The following ACOT9 variants were observed in gnomAD, a reference collection of about 807,000 sequenced individuals.
The protein encoded by ACOT9 is acyl-coenzyme A thioesterase 9, mitochondrial.
Under a neutral mutation model 39.7 loss-of-function variants are expected in ACOT9, and 34 were observed. The ratio of observed to expected loss-of-function variants is 0.86; its 90% confidence interval spans 0.65 to 1.14. The LOEUF (loss-of-function observed/expected upper bound fraction) is 1.14. Among genes scored for constraint, ACOT9 ranks in the 50% most tolerant of loss-of-function variants. ACOT9 has a pLI of 0.00. For synonymous variants in ACOT9, 110 were observed against 120.5 expected, an observed-to-expected ratio of 0.91 and a Z score of 0.57; for missense variants, 313 against 344.1, an observed-to-expected ratio of 0.91 and a Z score of 0.71.
In ACOT9 at chrX:23,713,270, C is replaced by T. The variant is rs970262414; in HGVS notation, c.589-62G>A. 7.3e-6 allele frequency: 7 copies of T among 955,888 alleles called. No homozygotes were observed. In the African/African-American group the frequency reaches 7.7e-5, roughly 11 times the overall value. 78.8% of individuals were successfully genotyped at this position (955,888 alleles called of 1,213,427 possible). On this transcript the variant is annotated intron_variant, in intron 8 of 15. Transcript: ENST00000379303. Reference sequence around the variant, plus strand: ...ATGGATTTATCGGGAAGACCTACCACGATTCTAACAGACGGTATGTATGCT... The same window carrying T: ...ATGGATTTATCGGGAAGACCTACCATGATTCTAACAGACGGTATGTATGCT...
chrX:23,716,575 A>C (rs774575766), intron 8 of ACOT9, among the ~76,000 whole-genome samples: 4 of 112,356 alleles, frequency 3.6e-5, no homozygotes, highest in Non-Finnish European at 7.5e-5. Flanking sequence ...CGATGCTTGA[A>C]GGCCAGTGGT....
chrX:23,725,332 G>A (rs1296159193), intron 6 of ACOT9, among the ~76,000 whole-genome samples: 3 of 107,826 alleles, frequency 2.8e-5, no homozygotes, highest in African/African-American at 1.0e-4. Flanking sequence ...TTAGCTGGGC[G>A]TTGTGGTAGA....
intron 1 of ACOT9, among the ~76,000 whole-genome samples, chrX:23,742,793 G>T (rs1296535775): frequency 8.9e-6 from 1 of 112,333 alleles, no homozygotes; most frequent in African/African-American, 3.2e-5. Flanking sequence ...TCTGACAAGG[G>T]GCTACCCCGA....
At chrX:23,739,240 CA>C (rs1232962335) in intron 1 of ACOT9, among the ~76,000 whole-genome samples, 12 of 105,084 alleles carry the variant, frequency 1.1e-4, no homozygotes, top group South Asian at 8.2e-4. Flanking sequence ...GACTCTGTCT[CA>C]AAAAAAAAAG....
At chrX:23,735,847 T>C in intron 2 of ACOT9, 72 bp downstream of exon 2, 1 of 952,991 alleles carries the variant, frequency 1.0e-6, no homozygotes, top group Non-Finnish European at 1.5e-6. Flanking sequence ...ACTATCACTC[T>C]ATATACCTTT....
At chrX:23,741,320 A>G (rs930388054) in intron 1 of ACOT9, among the ~76,000 whole-genome samples, 1 of 107,219 alleles carries the variant, frequency 9.3e-6, no homozygotes, top group Non-Finnish European at 1.9e-5. Context: ...TTCTGGACAT[A>G]TATCCCAAAG....
chrX:23,736,175 A>G (rs1929945959), intron 1 of ACOT9, among the ~76,000 whole-genome samples, 159 bp from the exon 2 acceptor site: 1 of 112,226 alleles, frequency 8.9e-6, no homozygotes, highest in Non-Finnish European at 1.9e-5. Flanking sequence ...TGTTTTCATG[A>G]GGCTATTCCA....
At position 23,704,931 on chromosome X, in the gene ACOT9, T is replaced by C. The variant is rs1928623977; in HGVS notation, c.1107+62A>G. 10 of 1,171,755 alleles carry C rather than the reference T, an allele frequency of 8.5e-6. No homozygotes were observed. The Admixed American group carries it at 1.2e-4, about 14-fold the overall frequency. ...AAGAGAAAACAGTGGCTTTTTGATA[T>C]AGAAACTTCTAGGCTCAAATGAAAA... On this transcript the variant is annotated intron_variant, in intron 14 of 15. Coordinates refer to ENST00000379303, the MANE Select transcript of ACOT9 (RefSeq NM_001037171.2).
At chrX:23,719,039 G>A (rs1929194428) in intron 8 of ACOT9, among the ~76,000 whole-genome samples, 2 of 111,285 alleles carry the variant, frequency 1.8e-5, no homozygotes, top group Non-Finnish European at 3.8e-5. Context: ...GGAGGCGAGG[G>A]CGGGTGGATG....
chrX:23,742,539 G>T (rs1197875947), intron 1 of ACOT9, among the ~76,000 whole-genome samples: 1 of 110,878 alleles, frequency 9.0e-6, no homozygotes, highest in Non-Finnish European at 1.9e-5. Context: ...TACCCACGTG[G>T]CCCAATCAAA....
chrX:23,737,891 C>CA (rs1386544050), intron 1 of ACOT9, among the ~76,000 whole-genome samples: 1 of 74,198 alleles, frequency 1.3e-5, no homozygotes, highest in Non-Finnish European at 2.5e-5. Flanking sequence ...TTTTTTTAGA[C>CA]AGAGTCTCGC....
chrX:23,742,205 T>A (rs868041756), intron 1 of ACOT9, among the ~76,000 whole-genome samples: 13 of 65,471 alleles, frequency 2.0e-4, no homozygotes, highest in African/African-American at 4.2e-4. Context: ...CCAGGAACAG[T>A]GAGTGAGTGA....
chrX:23,707,607 C>T (rs10283972), intron 10 of ACOT9: 36,258 of 163,183 alleles, frequency 0.22, 3,499 homozygotes, highest in South Asian at 0.31. Context: ...TGTGGTGGCG[C>T]GCACCTGTAG....
chrX:23,710,751 A>T (rs758335281), intron 9 of ACOT9, among the ~76,000 whole-genome samples: 8 of 110,763 alleles, frequency 7.2e-5, no homozygotes, highest in Middle Eastern at 4.2e-3. Flanking sequence ...AATCACTTGA[A>T]CCAGGAGGTG....
chrX:23,730,418 T>C (rs1929693837), intron 6 of ACOT9, 109 bp downstream of exon 6: 1 of 641,776 alleles, frequency 1.6e-6, no homozygotes, highest in Non-Finnish European at 2.5e-6. Context: ...TTGTGCACTT[T>C]AGAATATCAT....
In ACOT9 at chrX:23,705,607, A is replaced by C. The variant is rs1444537815; in HGVS notation, c.934-13T>G. The C allele has an allele frequency of 3.4e-6, 4 of 1,179,771 alleles. No individual in the cohort carries two copies. The highest frequency in any genetic ancestry group is 4.6e-6 in the Non-Finnish European group (4 of 870,426). ...AAATGTTCCGCTCCTACAGGACATA[A>C]ATAAATATCAATAAATACAAAACTT... On this transcript the variant is annotated splice_polypyrimidine_tract_variant and intron_variant, in intron 12 of 15. Coordinates refer to ENST00000379303, the MANE Select transcript of ACOT9 (RefSeq NM_001037171.2).
At chrX:23,710,785 C>T (rs1194999724) in intron 9 of ACOT9, among the ~76,000 whole-genome samples, 2 of 110,350 alleles carry the variant, frequency 1.8e-5, no homozygotes, top group African/African-American at 3.3e-5. Flanking sequence ...GCCGAGATTG[C>T]GCCACTGCAC....
At chrX:23,725,536 G>T (rs1601815381) in intron 6 of ACOT9, among the ~76,000 whole-genome samples, 1 of 97,160 alleles carries the variant, frequency 1.0e-5, no homozygotes, top group Non-Finnish European at 2.1e-5. Context: ...GAAAAAATAG[G>T]GCTGGGCGCA....
intron 8 of ACOT9, among the ~76,000 whole-genome samples, chrX:23,719,631 TAAG>T (rs765319356): frequency 1.8e-5 from 2 of 110,789 alleles, no homozygotes; most frequent in Non-Finnish European, 3.8e-5. Flanking sequence ...TAGATTCTCC[TAAG>T]GAGTGTGCAA....
Sources: gnomAD v4.1 joint callset for allele counts (sites outside exome capture counted in the v4.1 genomes callset) on GRCh38, gnomAD v4.1.1 for gene constraint, MANE v1.5 for transcripts, NCBI Gene and HGNC (gene_info 2026-07-23, HGNC 2026-07-21) for gene names.